The following SEC61A2 variants were observed in gnomAD, a reference collection of about 807,000 sequenced individuals.
SEC61A2 encodes protein transport protein Sec61 subunit alpha isoform 2.
In SEC61A2, 28 loss-of-function variants were observed where a neutral mutation model predicts 59.9. That is an observed-to-expected ratio of 0.47 (90% CI 0.35 to 0.64). The LOEUF is 0.64. SEC61A2 is among the 30% of genes least tolerant of loss of function. SEC61A2 has a pLI of 0.01. For synonymous variants in SEC61A2, 202 were observed against 214.4 expected, an observed-to-expected ratio of 0.94 and a Z score of 0.50; for missense variants, 340 against 585.9, an observed-to-expected ratio of 0.58 and a Z score of 4.33.
chr10:12,133,091 G>C, intron 1 of SEC61A2, 150 bp from the exon 2 acceptor site: 1 of 502,466 alleles, frequency 2.0e-6, no homozygotes, highest in Non-Finnish European at 3.7e-6. Flanking sequence ...CATATCATTT[G>C]AAATGGAGAA....
At chr10:12,167,765 G>C, downstream of SEC61A2, 1 of 1,614,190 alleles carries the variant, frequency 6.2e-7, no homozygotes, top group South Asian at 1.1e-5. Flanking sequence ...CTAGAGCGTA[G>C]GAATAGACCC....
At chr10:12,137,665 G>A (rs550931824) in intron 3 of SEC61A2, among the ~76,000 whole-genome samples, 2 of 152,224 alleles carry the variant, frequency 1.3e-5, no homozygotes, top group East Asian at 3.9e-4. Context: ...AGTATAAAAT[G>A]TGGCCTGCCT....
rs1296182557 is a variant in SEC61A2, at chr10:12,164,544, C to T, written c.*90C>T. 2 of 1,523,674 alleles carry T rather than the reference C, an allele frequency of 1.3e-6. No individual in the cohort carries two copies. The highest frequency in any genetic ancestry group is 2.8e-5 in the African/African-American group (2 of 71,874). 94.4% of individuals were successfully genotyped at this position (1,523,674 alleles called of 1,614,324 possible). On this transcript the variant is annotated 3_prime_UTR_variant, in exon 12 of 12. Coordinates refer to ENST00000298428, the MANE Select transcript of SEC61A2 (RefSeq NM_018144.4). This position sits in a 1 kb window ranked among gnomAD's most constrained non-coding sequence, Gnocchi z 7.3. ...ATGACACTGGTGGCTCCCCTTTTCTCCCCTCACAGTTTCTTGTTTCGAGTG... is the reference window on the plus strand; with the variant it reads ...ATGACACTGGTGGCTCCCCTTTTCTTCCCTCACAGTTTCTTGTTTCGAGTG...
chr10:12,159,558 T>TA (rs1834482941), intron 9 of SEC61A2, among the ~76,000 whole-genome samples: 1 of 152,092 alleles, frequency 6.6e-6, no homozygotes, highest in African/African-American at 2.4e-5. Context: ...GGCACAGTGT[T>TA]ACGTGCCTGT....
chr10:12,159,525 C>CA lies in SEC61A2; in HGVS notation c.976-1398dup, dbSNP rs1834482422. Among the ~76,000 whole-genome samples, 3 of 152,056 alleles carry CA rather than the reference C, an allele frequency of 2.0e-5. 1 individual carries two copies. The highest frequency in any genetic ancestry group is 6.8e-3 in the Middle Eastern group (2 of 294). ...GCAACATAGCGAGACCCCATCTCTA[C>CA]AAAAAAACTTAAAAACTAGCCGGGC... is the stretch of plus-strand genomic sequence containing the variant. On this transcript the variant is annotated intron_variant, in intron 9 of 11. Coordinates refer to ENST00000298428, the MANE Select transcript of SEC61A2 (RefSeq NM_018144.4).
At chr10:12,157,148 T>C in intron 8 of SEC61A2, 81 bp downstream of exon 8, 1 of 1,357,976 alleles carries the variant, frequency 7.4e-7, no homozygotes, top group South Asian at 1.3e-5. Flanking sequence ...TGACATGCTG[T>C]TGTTTAACAA....
rs968990935 is a variant in SEC61A2, at chr10:12,153,885, G to A, written c.463-1893G>A. The A allele has an allele frequency of 1.0e-5, 14 of 1,352,554 alleles. No individual in the cohort carries two copies. Among genetic ancestry groups the A allele is most frequent in the Non-Finnish European group, 1.2e-5 (12 of 1,010,376 alleles). The allele number at this position is 1,352,554 out of a possible 1,614,324, so 83.8% of individuals were successfully genotyped here. A position where few individuals can be genotyped will look rare whatever the true frequency, so the allele number is the denominator to read the frequency against. On this transcript the variant is annotated intron_variant, in intron 6 of 11. Transcript: ENST00000298428. The surrounding 1 kb of genome is among the most constrained non-coding windows in gnomAD (Gnocchi z 5.2). Reference sequence around the variant, plus strand: ...TATTTGTTTATGTTTCATTCACGTGGTTAGTGTTTTTCAGCTAGTGAGTTT... The same window carrying A: ...TATTTGTTTATGTTTCATTCACGTGATTAGTGTTTTTCAGCTAGTGAGTTT...
rs201873175 is a variant in SEC61A2 at position 12,152,829 on chromosome 10, T to TGA, written c.462+2871_462+2872dup. Among the ~76,000 whole-genome samples the TGA allele has an allele frequency of 0.05, 7,617 of 152,110 alleles. 256 individuals carry two copies. Among genetic ancestry groups the TGA allele is most frequent in the Non-Finnish European group, 0.078 (5,275 of 67,964 alleles). ...CCAGGAGGCGGAGGTTGCAGTGAGC[T>TGA]GAGATTGCACCACTGCACTCCAGCC... On this transcript the variant is annotated intron_variant, in intron 6 of 11. Coordinates refer to ENST00000298428, the MANE Select transcript of SEC61A2 (RefSeq NM_018144.4). The surrounding 1 kb of genome is among the most constrained non-coding windows in gnomAD (Gnocchi z 5.5).
chr10:12,144,236 TGAAAA>T (rs1285144422), intron 4 of SEC61A2, among the ~76,000 whole-genome samples: 4 of 152,214 alleles, frequency 2.6e-5, no homozygotes, highest in Non-Finnish European at 5.9e-5. Flanking sequence ...TATATGAAGC[TGAAAA>T]GAAAAGTGTC....
chr10:12,144,229 A>G (rs951971357), intron 4 of SEC61A2, among the ~76,000 whole-genome samples: 2 of 152,204 alleles, frequency 1.3e-5, no homozygotes, highest in African/African-American at 4.8e-5. Context: ...ACAGATTTAT[A>G]TGAAGCTGAA....
downstream of SEC61A2, chr10:12,166,806 CT>C: frequency 2.1e-6 from 1 of 470,748 alleles, no homozygotes; most frequent in Non-Finnish European, 4.4e-6. Context: ...CCCAGGAACA[CT>C]GGTAGAACTG....
intron 4 of SEC61A2, among the ~76,000 whole-genome samples, chr10:12,144,406 A>G (rs557268764): frequency 2.6e-5 from 4 of 152,324 alleles, no homozygotes; most frequent in Admixed American, 2.0e-4. Flanking sequence ...TGTTTACTTA[A>G]TATCTTACAT....
rs937922633 is a variant in SEC61A2, at chr10:12,145,506, G to C, written c.220+2311G>C. 2.0e-5 allele frequency among the ~76,000 whole-genome samples: 3 copies of C among 152,228 alleles called. No homozygotes were observed. The highest frequency in any genetic ancestry group is 7.2e-5 in the African/African-American group (3 of 41,460). The stretch of plus-strand genomic sequence containing the variant: ...AGTATTTTAGTCTTTGTTAGTCAGA[G>C]AGGTAAAAGCTGGCATCAGTTATTT... On this transcript the variant is annotated intron_variant, in intron 4 of 11. Transcript: ENST00000298428. The surrounding 1 kb of genome is among the most constrained non-coding windows in gnomAD (Gnocchi z 4.4).
chr10:12,145,742 A>G lies in SEC61A2; in HGVS notation c.220+2547A>G, dbSNP rs934908220. Among the ~76,000 whole-genome samples the G allele has an allele frequency of 1.2e-4, 18 of 152,228 alleles. No individual in the cohort carries two copies. Among genetic ancestry groups the G allele is most frequent in the Non-Finnish European group, 8.8e-5 (6 of 68,044 alleles). ...TGTGCCTCTCTCCAGCCTTGTTAGG[A>G]TGTTGGAACATTACCCATCTGACAT... On this transcript the variant is annotated intron_variant, in intron 4 of 11. Transcript: ENST00000298428. The surrounding 1 kb of genome is among the most constrained non-coding windows in gnomAD (Gnocchi z 4.4).
At chr10:12,151,811 C>T (rs1834282147) in intron 6 of SEC61A2, among the ~76,000 whole-genome samples, 1 of 151,660 alleles carries the variant, frequency 6.6e-6, no homozygotes. Context: ...GGCTAGAGTA[C>T]AATGGTGCAA....
rs1476397689 is a variant in SEC61A2, at chr10:12,156,149, T to C, written c.616+218T>C. 2.0e-5 allele frequency among the ~76,000 whole-genome samples: 3 copies of C among 152,222 alleles called. No individual in the cohort carries two copies. The highest frequency in any genetic ancestry group is 2.0e-4 in the Admixed American group (3 of 15,284). The stretch of plus-strand genomic sequence containing the variant: ...AATTTTAGCCTCTGCTTATTTAAAA[T>C]TTCAGTGGTTGCAAACAGATTTTCA... On this transcript the variant is annotated intron_variant, in intron 7 of 11. Coordinates refer to ENST00000298428, the MANE Select transcript of SEC61A2 (RefSeq NM_018144.4). This position sits in a 1 kb window ranked among gnomAD's most constrained non-coding sequence, Gnocchi z 5.2.
chr10:12,153,763 G>T lies in SEC61A2; in HGVS notation c.463-2015G>T. Reference sequence around the variant, plus strand: ...GCGTTACTAACATTGAAAATATGTGGATACACTGAAGAGCTATGATTGGAT... The same window carrying T: ...GCGTTACTAACATTGAAAATATGTGTATACACTGAAGAGCTATGATTGGAT... On this transcript the variant is annotated intron_variant, in intron 6 of 11. Coordinates refer to ENST00000298428, the MANE Select transcript of SEC61A2 (RefSeq NM_018144.4). This position sits in a 1 kb window ranked among gnomAD's most constrained non-coding sequence, Gnocchi z 5.2. The T allele has an allele frequency of 6.2e-7, 1 of 1,610,778 alleles. No individual in the cohort carries two copies. The highest frequency in any genetic ancestry group is 8.5e-7 in the Non-Finnish European group (1 of 1,179,208).
chr10:12,158,260 GGTAA>G lies in SEC61A2; in HGVS notation c.975+158_975+161del. 1.6e-6 allele frequency: 1 copy of G among 630,624 alleles called. No homozygotes were observed. The highest frequency in any genetic ancestry group is 2.2e-5 in the South Asian group (1 of 45,340). 39.1% of individuals were successfully genotyped at this position (630,624 alleles called of 1,614,324 possible). A position where few individuals can be genotyped will look rare whatever the true frequency, so the allele number is the denominator to read the frequency against. On this transcript the variant is annotated intron_variant, in intron 9 of 11. Transcript: ENST00000298428. This position sits in a 1 kb window ranked among gnomAD's most constrained non-coding sequence, Gnocchi z 5.7. ...AGTTTAGTACTTATCTGGAAGAACT[GGTAA>G]GTGTTGCAGAAGTAAGATTGCCCAA...
At chr10:12,134,151 C>T (rs910447365) in intron 2 of SEC61A2, among the ~76,000 whole-genome samples, 5 of 152,188 alleles carry the variant, frequency 3.3e-5, no homozygotes, top group East Asian at 1.9e-4. Context: ...GGACTACAGG[C>T]GCCCACCACC....
Sources: gnomAD v4.1 joint callset for allele counts (sites outside exome capture counted in the v4.1 genomes callset) on GRCh38, gnomAD v4.1.1 for gene constraint, Gnocchi (gnomAD v3.1) non-coding constraint, MANE v1.5 for transcripts, NCBI Gene and HGNC (gene_info 2026-07-23, HGNC 2026-07-21) for gene names.